The following SIL1 variants were observed in gnomAD, a reference collection of about 807,000 sequenced individuals.
SIL1 encodes nucleotide exchange factor SIL1.
In SIL1, 40 loss-of-function variants were observed where a neutral mutation model predicts 49.1. That is an observed-to-expected ratio of 0.81 (90% CI 0.63 to 1.06). SIL1 has a LOEUF of 1.06. Among genes scored for constraint, SIL1 ranks in the 50% least tolerant of loss-of-function variants. The pLI, the probability that SIL1 is intolerant of heterozygous loss-of-function variation, is 0.00. For synonymous variants in SIL1, 253 were observed against 250.8 expected (o/e 1.01, Z -0.08); for missense variants, 500 against 572.6 (o/e 0.87, Z 1.29).
chr5:138,984,973 G>A (rs1421867822), intron 7 of SIL1, among the ~76,000 whole-genome samples: 1 of 152,178 alleles, frequency 6.6e-6, no homozygotes, highest in Non-Finnish European at 1.5e-5. Context: ...CTGGCACAAC[G>A]GCAGCAGTGG....
intron 3 of SIL1, among the ~76,000 whole-genome samples, chr5:139,076,502 T>C (rs367651122): frequency 1.2e-4 from 19 of 152,194 alleles, no homozygotes; most frequent in African/African-American, 3.4e-4. Flanking sequence ...GCCAAATATA[T>C]AGACCTTGGG....
intron 3 of SIL1, among the ~76,000 whole-genome samples, chr5:139,069,852 C>T (rs1769790162): frequency 6.6e-6 from 1 of 152,104 alleles, no homozygotes; most frequent in Non-Finnish European, 1.5e-5. Context: ...AGATGAAGTA[C>T]TCAAAGAAAG....
intron 3 of SIL1, among the ~76,000 whole-genome samples, chr5:139,052,096 G>A (rs1769301436): frequency 6.6e-6 from 1 of 152,148 alleles, no homozygotes; most frequent in Non-Finnish European, 1.5e-5. Context: ...TTCCTCCGAA[G>A]GAAGCACACA....
rs182430615 is a variant in SIL1 at position 138,951,456 on chromosome 5, T to C, written c.865-121A>G. The stretch of plus-strand genomic sequence containing the variant: ...CCATTCCTCCCGGCCCCACCTCAGT[T>C]ACAGCTATACCCCAGAACCCAGGAC... On this transcript the variant is annotated intron_variant, in intron 8 of 9. Transcript: ENST00000394817. 3.0e-6 allele frequency: 3 copies of C among 1,010,946 alleles called. No individual in the cohort carries two copies. In the East Asian group the frequency reaches 7.8e-5, roughly 26 times the overall value. 62.6% of individuals were successfully genotyped at this position (1,010,946 alleles called of 1,614,324 possible).
At chr5:139,025,993 C>A (rs1181413228) in intron 6 of SIL1, among the ~76,000 whole-genome samples, 1 of 152,138 alleles carries the variant, frequency 6.6e-6, no homozygotes, top group African/African-American at 2.4e-5. Context: ...AGTTTGCCAT[C>A]CCCTGCTCTA....
intron 1 of SIL1, chr5:139,137,497 G>T (rs1489848281): frequency 7.7e-6 from 4 of 521,664 alleles, no homozygotes; most frequent in Non-Finnish European, 1.4e-5. Flanking sequence ...AAATAAAAAG[G>T]CACATTTTGT....
At chr5:139,075,817 T>C (rs1042636207) in intron 3 of SIL1, among the ~76,000 whole-genome samples, 7 of 152,238 alleles carry the variant, frequency 4.6e-5, no homozygotes, top group Non-Finnish European at 1.0e-4. Context: ...TGACAGAATC[T>C]GCAATGACCT....
intron 1 of SIL1, among the ~76,000 whole-genome samples, chr5:139,143,314 C>CACATGTGTATATACATATAT: frequency 1.6e-5 from 1 of 61,588 alleles, no homozygotes; most frequent in Non-Finnish European, 3.5e-5. Context: ...TATACACACA[C>CACATGTGTATATACATATAT]ACACACACAC....
rs1379877555 is a variant in SIL1, at chr5:139,137,314, G to C, written c.-10-9461C>G. Reference sequence around the variant, plus strand: ...TTACCCATGAGGGGACCAAAATTCAGAGAGGTTAAGTAACGTGCCAGAGTT... The same window carrying C: ...TTACCCATGAGGGGACCAAAATTCACAGAGGTTAAGTAACGTGCCAGAGTT... On this transcript the variant is annotated intron_variant, in intron 1 of 9. Coordinates refer to ENST00000394817, the MANE Select transcript of SIL1 (RefSeq NM_022464.5). 4 of 702,488 alleles carry C rather than the reference G, an allele frequency of 5.7e-6. No individual in the cohort carries two copies. The Admixed American group carries it at 6.0e-5, about 11-fold the overall frequency. 43.5% of individuals were successfully genotyped at this position (702,488 alleles called of 1,614,324 possible).
At chr5:139,093,640 TC>T (rs1770391748) in intron 3 of SIL1, among the ~76,000 whole-genome samples, 1 of 152,362 alleles carries the variant, frequency 6.6e-6, no homozygotes, top group South Asian at 2.1e-4. Context: ...CAACTCTGTA[TC>T]TACAACACAC....
chr5:139,014,328 T>C (rs1768351401), intron 7 of SIL1: 1 of 150,978 alleles, frequency 6.6e-6, no homozygotes, highest in East Asian at 1.9e-4. Context: ...GATCGCGTCT[T>C]TGCACCCCAG....
chr5:138,972,222 C>T (rs760523752), intron 7 of SIL1, among the ~76,000 whole-genome samples: 2 of 152,184 alleles, frequency 1.3e-5, no homozygotes, highest in Admixed American at 6.5e-5. Flanking sequence ...TGGGGCCCGC[C>T]GAAAGCAGTG....
At chr5:139,101,776 T>C (rs1770592999) in intron 3 of SIL1, among the ~76,000 whole-genome samples, 2 of 152,178 alleles carry the variant, frequency 1.3e-5, no homozygotes, top group African/African-American at 2.4e-5. Flanking sequence ...ATGATGACAA[T>C]GTGAGGTCTC....
intron 6 of SIL1, chr5:139,022,622 G>T (rs527778973): frequency 6.6e-6 from 1 of 152,204 alleles, no homozygotes; most frequent in Admixed American, 6.5e-5. Flanking sequence ...GCAATCTGGG[G>T]TATCTGTGCC....
At chr5:139,115,232 C>G (rs1469916381) in intron 3 of SIL1, among the ~76,000 whole-genome samples, 1 of 152,134 alleles carries the variant, frequency 6.6e-6, no homozygotes, top group East Asian at 1.9e-4. Flanking sequence ...ACTTTTATTG[C>G]AACTGTGGTA....
intron 9 of SIL1, among the ~76,000 whole-genome samples, chr5:138,950,756 G>T (rs1250247864): frequency 6.6e-6 from 1 of 152,228 alleles, no homozygotes; most frequent in African/African-American, 2.4e-5. Context: ...CCTGCCCAGA[G>T]CCAAAGCTCA....
intron 1 of SIL1, 108 bp from the exon 2 acceptor site, chr5:139,127,961 C>A: frequency 1.3e-6 from 1 of 741,802 alleles, no homozygotes; most frequent in Non-Finnish European, 2.4e-6. Flanking sequence ...ACATTTCCTG[C>A]ATAGAGGTAT....
chr5:139,083,488 G>A (rs1450086003), intron 3 of SIL1, among the ~76,000 whole-genome samples: 2 of 128,534 alleles, frequency 1.6e-5, no homozygotes, highest in Non-Finnish European at 3.2e-5. Flanking sequence ...CTTTTGAGAA[G>A]TGTCTGTTCA....
rs750439304 is a variant in SIL1 at position 139,121,063 on chromosome 5, C to T, written c.216G>A (p.Pro72=). The change falls in exon 3 of 10, where the codon CCG becomes CCA. Residue 72 remains proline, a synonymous_variant. Transcript: ENST00000394817. ...LDAEVLEVFH[P]THEWQALQPG... ...GCTGAAGGGCCTGCCACTCATGCGT[C>T]GGGTGGAACACCTCCAGGACTTCGG... 5 of 1,614,142 alleles carry T rather than the reference C, an allele frequency of 3.1e-6. No individual in the cohort carries two copies. The highest frequency in any genetic ancestry group is 2.2e-5 in the South Asian group (2 of 91,076).
Sources: allele counts gnomAD v4.1 joint callset (sites outside exome capture counted in the v4.1 genomes callset), GRCh38; gene constraint gnomAD v4.1.1; transcripts MANE v1.5; gene names NCBI Gene and HGNC (gene_info 2026-07-23, HGNC 2026-07-21).